PTPRU: variants seen among roughly 807,000 people sequenced by gnomAD.
The protein encoded by PTPRU is protein tyrosine phosphatase receptor type U, also known as receptor-type tyrosine-protein phosphatase U.
Under a neutral mutation model 166.3 loss-of-function variants are expected in PTPRU, and 69 were observed. The observed-to-expected ratio is 0.41, with a 90% CI of 0.34 to 0.51. PTPRU has a LOEUF of 0.51. PTPRU is among the 20% of genes least tolerant of loss of function. PTPRU has a pLI of 0.09. For synonymous variants in PTPRU, 793 were observed against 814.0 expected (o/e 0.97, Z 0.44); for missense variants, 1,657 against 2,013.7 (o/e 0.82, Z 3.39).
In PTPRU at chr1:29,315,474, C is replaced by G; in HGVS notation, c.3330C>G (p.Leu1110=). 1 of 1,614,110 alleles carries G rather than the reference C, an allele frequency of 6.2e-7. No homozygotes were observed. Among genetic ancestry groups the G allele is most frequent in the Non-Finnish European group, 8.5e-7 (1 of 1,180,026 alleles). ...VVDIYNCVKT[L]CSRRVNMIQT... is the part of the protein sequence containing the mutation. ...ACATTTACAACTGTGTGAAGACTCT[C>G]TGCTCCCGGCGTGTCAACATGATCC... is the stretch of plus-strand genomic sequence containing the variant. Residue 1110 remains leucine (L), a synonymous_variant, in exon 23 of 30, where the codon CTC becomes CTG. Transcript: ENST00000373779. This position sits in a 1 kb window ranked among gnomAD's most constrained non-coding sequence, Gnocchi z 4.5.
intron 28 of PTPRU, among the ~76,000 whole-genome samples, chr1:29,324,937 C>T (rs1384902127): frequency 2.0e-5 from 3 of 151,026 alleles, no homozygotes; most frequent in African/African-American, 4.9e-5. Flanking sequence ...TAGCTCTGCC[C>T]CTCATCTCTG....
chr1:29,292,128 A>G (rs1686671135), intron 15 of PTPRU, 102 bp downstream of exon 15: 1 of 1,394,872 alleles, frequency 7.2e-7, no homozygotes, highest in East Asian at 2.4e-5. Context: ...CCTGCAACCA[A>G]AAGTGAAGCA....
At chr1:29,269,244 A>ATTTTCTTTTT (rs1400657012) in intron 7 of PTPRU, among the ~76,000 whole-genome samples, 1 of 27,610 alleles carries the variant, frequency 3.6e-5, no homozygotes, top group Non-Finnish European at 7.1e-5. Flanking sequence ...ATATATATAT[A>ATTTTCTTTTT]TATTTTTTTT....
intron 15 of PTPRU, among the ~76,000 whole-genome samples, chr1:29,294,064 G>T (rs72651211): frequency 0.037 from 5,664 of 152,240 alleles, 126 homozygotes; most frequent in South Asian, 0.076. Context: ...TTCTGATGTG[G>T]ATGTCTAGAT....
intron 18 of PTPRU, among the ~76,000 whole-genome samples, chr1:29,308,647 C>T (rs1202127060): frequency 6.8e-6 from 1 of 147,996 alleles, no homozygotes; most frequent in African/African-American, 2.5e-5. Context: ...TACATATATA[C>T]TGTTTTCATA....
Position 29,259,436 on chromosome 1 carries a change from T to A in PTPRU, c.560-13T>A. ...GTGCAGGCCCAGCTCACGATGCAGCTCTAACCCCGCAGCAAAGGCCCCACA... is the reference window on the plus strand; with the variant it reads ...GTGCAGGCCCAGCTCACGATGCAGCACTAACCCCGCAGCAAAGGCCCCACA... On this transcript the variant is annotated splice_polypyrimidine_tract_variant and intron_variant, in intron 4 of 29. Transcript: ENST00000373779. 1 of 1,610,198 alleles carries A rather than the reference T, an allele frequency of 6.2e-7. No individual in the cohort carries two copies. Among genetic ancestry groups the A allele is most frequent in the Non-Finnish European group, 8.5e-7 (1 of 1,177,510 alleles).
At position 29,237,736 on chromosome 1, in the gene PTPRU, G is replaced by T. The variant is rs1178610222; in HGVS notation, c.73+1019G>T. ...TTCGCAAGTTCCGCGCGGCGCTGGC[G>T]GGCGGCTGATCCGAGGCGGCGCCGG... On this transcript the variant is annotated intron_variant, in intron 1 of 29. Coordinates refer to ENST00000373779, the MANE Select transcript of PTPRU (RefSeq NM_133178.4). This position sits in a 1 kb window ranked among gnomAD's most constrained non-coding sequence, Gnocchi z 6.4. Among the ~76,000 whole-genome samples the T allele has an allele frequency of 6.7e-6, 1 of 149,828 alleles. No homozygotes were observed. The highest frequency in any genetic ancestry group is 2.0e-4 in the East Asian group (1 of 5,110).
At chr1:29,276,460 C>T (rs1359182695) in intron 8 of PTPRU, among the ~76,000 whole-genome samples, 1 of 152,106 alleles carries the variant, frequency 6.6e-6, no homozygotes, top group Non-Finnish European at 1.5e-5. Context: ...GGACTATAGA[C>T]GTGCACTGCC....
rs1440775204 is a variant in PTPRU at position 29,237,645 on chromosome 1, G to A, written c.73+928G>A. ...CCCTGGGCTGCCCGGGTCGGGCAGG[G>A]CCCGAGGCTCAGGGGAGGACCGGGC... On this transcript the variant is annotated intron_variant, in intron 1 of 29. Transcript: ENST00000373779. The surrounding 1 kb of genome is among the most constrained non-coding windows in gnomAD (Gnocchi z 6.4). 2.0e-5 allele frequency among the ~76,000 whole-genome samples: 3 copies of A among 151,482 alleles called. No homozygotes were observed. The highest frequency in any genetic ancestry group is 4.4e-5 in the Non-Finnish European group (3 of 67,758).
In PTPRU at chr1:29,271,819, G is replaced by A. The variant is rs1299193718; in HGVS notation, c.1145-3629G>A. 1.3e-5 allele frequency among the ~76,000 whole-genome samples: 2 copies of A among 152,222 alleles called. No homozygotes were observed. The highest frequency in any genetic ancestry group is 4.8e-5 in the African/African-American group (2 of 41,452). ...CTCCTGCCCTTCTGTAAATGCTGCAGGAGGACTAGGAAGCAGAATGCTTCT... is the reference window on the plus strand; with the variant it reads ...CTCCTGCCCTTCTGTAAATGCTGCAAGAGGACTAGGAAGCAGAATGCTTCT... On this transcript the variant is annotated intron_variant, in intron 7 of 29. Coordinates refer to ENST00000373779, the MANE Select transcript of PTPRU (RefSeq NM_133178.4). The surrounding 1 kb of genome is among the most constrained non-coding windows in gnomAD (Gnocchi z 4.4).
At position 29,291,834 on chromosome 1, in the gene PTPRU, C is replaced by T. The variant is rs1456101376; in HGVS notation, c.2319-35C>T. 1 of 1,609,544 alleles carries T rather than the reference C, an allele frequency of 6.2e-7. No individual in the cohort carries two copies. Among genetic ancestry groups the T allele is most frequent in the Admixed American group, 1.7e-5 (1 of 59,444 alleles). On this transcript the variant is annotated intron_variant, in intron 14 of 29. Coordinates refer to ENST00000373779, the MANE Select transcript of PTPRU (RefSeq NM_133178.4). This position sits in a 1 kb window ranked among gnomAD's most constrained non-coding sequence, Gnocchi z 4.1. ...CCTCTGGGTGCTGTCCAGCCCCACA[C>T]AATGCCTGTGTCTCCCCTCAACCCC...
chr1:29,311,822 C>G lies in PTPRU; in HGVS notation c.3072+63C>G, dbSNP rs1213401458. 1.4e-6 allele frequency: 2 copies of G among 1,472,470 alleles called. No homozygotes were observed. Among genetic ancestry groups the G allele is most frequent in the East Asian group, 4.5e-5 (2 of 44,162 alleles). The allele number at this position is 1,472,470 out of a possible 1,614,324, so 91.2% of individuals were successfully genotyped here. A position where few individuals can be genotyped will look rare whatever the true frequency, so the allele number is the denominator to read the frequency against. On this transcript the variant is annotated intron_variant, in intron 21 of 29. Coordinates refer to ENST00000373779, the MANE Select transcript of PTPRU (RefSeq NM_133178.4). This position sits in a 1 kb window ranked among gnomAD's most constrained non-coding sequence, Gnocchi z 4.1. ...CTGAGCAGGGATTAGAGCCCACTCC[C>G]ACTTCCCCCAGCCCTGGGAGCAGGA...
At position 29,283,922 on chromosome 1, in the gene PTPRU, C is replaced by G. The variant is rs938486498; in HGVS notation, c.2143-18C>G. On this transcript the variant is annotated intron_variant, in intron 12 of 29. Coordinates refer to ENST00000373779, the MANE Select transcript of PTPRU (RefSeq NM_133178.4). ...GTCGGGGCTTCAGCAACGCTGAGAC[C>G]CCCATCTGTGCCTCCAGGAGACCCG... 1 of 1,613,874 alleles carries G rather than the reference C, an allele frequency of 6.2e-7. No homozygotes were observed. The highest frequency in any genetic ancestry group is 1.3e-5 in the African/African-American group (1 of 74,928).
chr1:29,290,943 C>T (rs934951421), intron 14 of PTPRU, among the ~76,000 whole-genome samples: 9 of 152,210 alleles, frequency 5.9e-5, no homozygotes, highest in African/African-American at 2.2e-4. Context: ...CTGTGGCACA[C>T]CCCTGGAGAC....
chr1:29,259,154 C>T, intron 3 of PTPRU, 107 bp from the exon 4 acceptor site: 1 of 1,241,780 alleles, frequency 8.1e-7, no homozygotes, highest in Non-Finnish European at 1.1e-6. Context: ...CTGGGCTGAC[C>T]TCTGCTAGTT....
intron 17 of PTPRU, among the ~76,000 whole-genome samples, 153 bp from the exon 18 acceptor site, chr1:29,305,199 C>T (rs1687330490): frequency 6.6e-6 from 1 of 152,132 alleles, no homozygotes; most frequent in Admixed American, 6.5e-5. Context: ...TCCTGCCTCC[C>T]ATGGTGCCCA....
chr1:29,273,137 C>G (rs1484232850), intron 7 of PTPRU, among the ~76,000 whole-genome samples: 1 of 152,090 alleles, frequency 6.6e-6, no homozygotes, highest in Non-Finnish European at 1.5e-5. Flanking sequence ...GGTGTCTTCC[C>G]TCATTTTACT....
intron 7 of PTPRU, among the ~76,000 whole-genome samples, chr1:29,269,729 G>A (rs1685481991): frequency 6.6e-6 from 1 of 152,110 alleles, no homozygotes; most frequent in African/African-American, 2.4e-5. Flanking sequence ...ATCAGGCGAA[G>A]GCATTTTTTA....
At chr1:29,284,986 C>A in intron 14 of PTPRU, 117 bp downstream of exon 14, 3 of 1,358,660 alleles carry the variant, frequency 2.2e-6, no homozygotes, top group Non-Finnish European at 3.0e-6. Flanking sequence ...GTGTGGAGGG[C>A]TGCCAGCCTG....
Sources: allele counts gnomAD v4.1 joint callset (sites outside exome capture counted in the v4.1 genomes callset), GRCh38; gene constraint gnomAD v4.1.1; non-coding constraint Gnocchi (gnomAD v3.1); transcripts MANE v1.5; gene names NCBI Gene and HGNC (gene_info 2026-07-23, HGNC 2026-07-21).